RAPGEF5: variants seen among roughly 807,000 people sequenced by gnomAD.
RAPGEF5 encodes the protein M-Ras-regulated GEF.
Under a neutral mutation model 125.2 loss-of-function variants are expected in RAPGEF5, and 65 were observed. The observed-to-expected ratio is 0.52, with a 90% CI of 0.43 to 0.64. The LOEUF is 0.64. RAPGEF5 is among the 30% of genes least tolerant of loss of function. The pLI is 0.00. For missense variants in RAPGEF5, 958 were observed against 1,048.1 expected, an observed-to-expected ratio of 0.91 and a Z score of 1.19; for synonymous variants, 391 against 385.9, an observed-to-expected ratio of 1.01 and a Z score of -0.16.
chr7:22,208,859 A>G (rs540328699), intron 9 of RAPGEF5, among the ~76,000 whole-genome samples: 1 of 152,372 alleles, frequency 6.6e-6, no homozygotes, highest in Non-Finnish European at 1.5e-5. Flanking sequence ...CCAGATATGG[A>G]ACGTAAAGTA....
chr7:22,281,575 T>C (rs1276051218), intron 6 of RAPGEF5, among the ~76,000 whole-genome samples: 1 of 152,208 alleles, frequency 6.6e-6, no homozygotes, highest in Non-Finnish European at 1.5e-5. Context: ...CCAACCATGA[T>C]GTTCTCAAAC....
intron 1 of RAPGEF5, among the ~76,000 whole-genome samples, chr7:22,336,737 G>A (rs1784034116): frequency 6.6e-6 from 1 of 152,160 alleles, no homozygotes. Flanking sequence ...TCTGCCAGGC[G>A]GGAAGTGCAC....
intron 5 of RAPGEF5, among the ~76,000 whole-genome samples, chr7:22,291,787 C>G (rs1782941029): frequency 6.6e-6 from 1 of 152,126 alleles, no homozygotes; most frequent in Non-Finnish European, 1.5e-5. Context: ...GATTACCGCC[C>G]AACTAAGAAG....
chr7:22,237,724 T>G (rs1395001487), intron 7 of RAPGEF5, among the ~76,000 whole-genome samples: 1 of 152,200 alleles, frequency 6.6e-6, no homozygotes, highest in African/African-American at 2.4e-5. Context: ...GCAATAATCC[T>G]CGTCTCAGAG....
chr7:22,193,236 C>T (rs1186592766), intron 11 of RAPGEF5, 131 bp downstream of exon 11: 5 of 964,096 alleles, frequency 5.2e-6, no homozygotes, highest in South Asian at 1.7e-5. Flanking sequence ...AGGCAAGGGA[C>T]GAGTCGCACA....
At chr7:22,350,013 T>C (rs748600220) in intron 1 of RAPGEF5, among the ~76,000 whole-genome samples, 2 of 152,244 alleles carry the variant, frequency 1.3e-5, no homozygotes, top group African/African-American at 2.4e-5. Context: ...ATAATAATGA[T>C]TTGCCACAAC....
At chr7:22,126,652 C>T (rs1782754635) in intron 24 of RAPGEF5, among the ~76,000 whole-genome samples, 2 of 152,184 alleles carry the variant, frequency 1.3e-5, no homozygotes, top group Non-Finnish European at 2.9e-5. Flanking sequence ...CTTGCTCTGT[C>T]ACCCAGGCTG....
At chr7:22,239,975 G>A (rs995352196) in intron 7 of RAPGEF5, among the ~76,000 whole-genome samples, 1 of 151,908 alleles carries the variant, frequency 6.6e-6, no homozygotes, top group African/African-American at 2.4e-5. Flanking sequence ...TTGGGAGGCC[G>A]AGGCGGGCGG....
Position 22,160,505 on chromosome 7 carries a change from A to G in RAPGEF5, c.1526+13T>C, listed in dbSNP as rs910845646. On this transcript the variant is annotated intron_variant, in intron 14 of 25. Transcript: ENST00000665637. ...TCTTTCATTAACTATAATTAGGAAA[A>G]TGAAATACTTACTGACGACGGTGCA... 6.5e-7 allele frequency: 1 copy of G among 1,538,438 alleles called. No individual in the cohort carries two copies. The highest frequency in any genetic ancestry group is 1.4e-5 in the African/African-American group (1 of 72,564).
intron 23 of RAPGEF5, among the ~76,000 whole-genome samples, chr7:22,133,952 T>C (rs559710252): frequency 3.3e-5 from 5 of 152,268 alleles, no homozygotes; most frequent in East Asian, 3.9e-4. Flanking sequence ...TTTCAAAAAA[T>C]GCAATATGGG....
At chr7:22,298,522 T>G (rs1211847946) in intron 5 of RAPGEF5, 2 of 152,164 alleles carry the variant, frequency 1.3e-5, no homozygotes, top group Non-Finnish European at 2.9e-5. Flanking sequence ...AGTGCTGGCC[T>G]CATAAAATGA....
At chr7:22,184,535 T>C (rs965663661) in intron 11 of RAPGEF5, among the ~76,000 whole-genome samples, 1 of 152,224 alleles carries the variant, frequency 6.6e-6, no homozygotes, top group African/African-American at 2.4e-5. Context: ...TAAATCGAGA[T>C]TGTTTCCCTG....
At chr7:22,211,960 TC>T (rs1465561520) in intron 9 of RAPGEF5, among the ~76,000 whole-genome samples, 9 of 102,770 alleles carry the variant, frequency 8.8e-5, no homozygotes, top group East Asian at 3.5e-4. Context: ...TCACATGTGT[TC>T]TCTTTTTTTT....
At chr7:22,290,362 A>C (rs987961932) in intron 6 of RAPGEF5, among the ~76,000 whole-genome samples, 3 of 152,244 alleles carry the variant, frequency 2.0e-5, no homozygotes, top group African/African-American at 7.2e-5. Flanking sequence ...ACTGAAACTC[A>C]AGGCTTAGTG....
At chr7:22,271,643 GTAAATGTC>G (rs1782429484) in intron 6 of RAPGEF5, among the ~76,000 whole-genome samples, 2 of 152,302 alleles carry the variant, frequency 1.3e-5, no homozygotes, top group South Asian at 4.1e-4. Context: ...ATTTGGCCTT[GTAAATGTC>G]TAAATAGAGG....
intron 23 of RAPGEF5, among the ~76,000 whole-genome samples, chr7:22,133,459 A>G (rs1016310620): frequency 1.3e-5 from 2 of 152,196 alleles, no homozygotes; most frequent in African/African-American, 4.8e-5. Flanking sequence ...GAAATGAGCA[A>G]CTGCCAGGCC....
chr7:22,310,566 C>T (rs1304678836), intron 3 of RAPGEF5, among the ~76,000 whole-genome samples: 1 of 152,148 alleles, frequency 6.6e-6, no homozygotes, highest in African/African-American at 2.4e-5. Flanking sequence ...TGGTGATAAA[C>T]TTTGGTTCAA....
rs545285264 is a variant in RAPGEF5, at chr7:22,297,739, T to A, written c.681-6498A>T. On this transcript the variant is annotated intron_variant, in intron 5 of 25. Coordinates refer to ENST00000665637, the MANE Select transcript of RAPGEF5 (RefSeq NM_012294.5). ...AAGGAGAGATGGCTTTATGTTTTCC[T>A]CCAAATATATGCCTTTTATCTCTTT... Among the ~76,000 whole-genome samples, 3 of 152,334 alleles carry A rather than the reference T, an allele frequency of 2.0e-5. No homozygotes were observed. In the South Asian group the frequency reaches 6.2e-4, roughly 32 times the overall value.
intron 8 of RAPGEF5, among the ~76,000 whole-genome samples, chr7:22,227,786 G>A (rs1026913636): frequency 2.0e-5 from 3 of 152,212 alleles, no homozygotes; most frequent in Non-Finnish European, 4.4e-5. Flanking sequence ...AGGCTGCAGC[G>A]AGCCATGATC....
Sources: allele counts gnomAD v4.1 joint callset (sites outside exome capture counted in the v4.1 genomes callset), GRCh38; gene constraint gnomAD v4.1.1; transcripts MANE v1.5; gene names NCBI Gene and HGNC (gene_info 2026-07-23, HGNC 2026-07-21).